Variants in HMGCLL1 observed in about 807,000 individuals in gnomAD.
HMGCLL1 encodes 3-hydroxy-3-methylglutaryl-CoA lyase like 1.
Under a neutral mutation model 39.1 loss-of-function variants are expected in HMGCLL1, and 36 were observed. The observed-to-expected ratio is 0.92, with a 90% CI of 0.71 to 1.22. HMGCLL1 has a LOEUF of 1.22. Ranked by LOEUF, HMGCLL1 falls within the 50% of genes most tolerant of loss-of-function variation. The probability of loss-of-function intolerance (pLI) is 0.00; values close to 1 mark genes in which losing one functional copy is unlikely to be tolerated. For synonymous variants in HMGCLL1, 149 were observed against 144.0 expected, an observed-to-expected ratio of 1.03 and a Z score of -0.25; for missense variants, 451 against 416.5, an observed-to-expected ratio of 1.08 and a Z score of -0.72.
intron 5 of HMGCLL1, among the ~76,000 whole-genome samples, chr6:55,511,541 C>CTT (rs5876454): frequency 0.99 from 151,210 of 152,148 alleles, 75,150 homozygotes; most frequent in Middle Eastern, 1. Context: ...ATGTGTACTG[C>CTT]TATGGCCTTT....
chr6:55,458,094 A>G (rs1378375059), intron 7 of HMGCLL1, among the ~76,000 whole-genome samples: 1 of 152,234 alleles, frequency 6.6e-6, no homozygotes, highest in African/African-American at 2.4e-5. Context: ...AATATATTCC[A>G]TTGAAAGTGT....
intron 3 of HMGCLL1, among the ~76,000 whole-genome samples, chr6:55,538,317 T>C (rs187997857): frequency 2.0e-5 from 3 of 152,182 alleles, no homozygotes; most frequent in Non-Finnish European, 2.9e-5. Context: ...ATTAGCGAAA[T>C]CTATTATCTT....
chr6:55,633,340 C>T, the HMGCLL1 span, among the ~76,000 whole-genome samples: 1 of 151,554 alleles, frequency 6.6e-6, no homozygotes, highest in Non-Finnish European at 1.5e-5. Flanking sequence ...TATGGTTGGG[C>T]TAGTTATTAG....
rs148845445 is a variant in HMGCLL1 at position 55,534,467 on chromosome 6, G to A, written c.297+7262C>T. ...TGGTTATAAAAGCCATACCACATTT[G>A]CCTACCCCTTAAGACACTCATCTTT... is the stretch of plus-strand genomic sequence containing the variant. On this transcript the variant is annotated intron_variant, in intron 3 of 8. Transcript: ENST00000274901. Among the ~76,000 whole-genome samples, 226 of 152,274 alleles carry A rather than the reference G, an allele frequency of 1.5e-3. 2 individuals carry two copies. Among genetic ancestry groups the A allele is most frequent in the African/African-American group, 4.7e-3 (197 of 41,554 alleles).
intron 3 of HMGCLL1, among the ~76,000 whole-genome samples, chr6:55,517,629 A>T (rs897743155): frequency 7.2e-5 from 11 of 151,942 alleles, no homozygotes; most frequent in Non-Finnish European, 5.9e-5. Flanking sequence ...ATAAATCCAA[A>T]CAAAAAATGC....
the HMGCLL1 span, among the ~76,000 whole-genome samples, chr6:55,617,022 A>C: frequency 6.6e-6 from 1 of 152,086 alleles, no homozygotes; most frequent in Non-Finnish European, 1.5e-5. Context: ...AAAAAGGATA[A>C]GATTTTTAAA....
the HMGCLL1 span, among the ~76,000 whole-genome samples, chr6:55,629,902 T>C: frequency 3.3e-5 from 5 of 152,174 alleles, no homozygotes; most frequent in Admixed American, 3.3e-4. Context: ...TGCCTGGATG[T>C]ACAGGCAGAA....
chr6:55,624,034 G>T, the HMGCLL1 span, among the ~76,000 whole-genome samples: 1 of 152,058 alleles, frequency 6.6e-6, no homozygotes, highest in Non-Finnish European at 1.5e-5. Flanking sequence ...ATCAACATCA[G>T]TTCAGAGCCA....
chr6:55,627,839 TG>T, the HMGCLL1 span, among the ~76,000 whole-genome samples: 1 of 119,198 alleles, frequency 8.4e-6, no homozygotes, highest in Non-Finnish European at 1.7e-5. Flanking sequence ...CAGCTTATTG[TG>T]GGACCTTGTG....
chr6:55,612,602 C>T, the HMGCLL1 span, among the ~76,000 whole-genome samples: 3 of 152,022 alleles, frequency 2.0e-5, no homozygotes, highest in Non-Finnish European at 4.4e-5. Flanking sequence ...CCAAAACAGA[C>T]ACATAGACCA....
chr6:55,541,817 A>T lies in HMGCLL1; in HGVS notation c.209T>A (p.Ile70Lys). 1 of 1,598,032 alleles carries T rather than the reference A, an allele frequency of 6.3e-7. No individual in the cohort carries two copies. Among genetic ancestry groups the T allele is most frequent in the Non-Finnish European group, 8.6e-7 (1 of 1,167,510 alleles). Residue 70 changes from isoleucine (I) to lysine (K), a missense_variant, in exon 3 of 9, where the codon ATA (isoleucine) becomes AAA (lysine). Ile to Lys is a moderately radical substitution (Grantham distance 102). Coordinates refer to ENST00000274901, the MANE Select transcript of HMGCLL1 (RefSeq NM_001042406.2). Reference protein sequence around the residue: ...QNEKVIVPTDIKIEFINRLSQ... With the variant: ...QNEKVIVPTDKKIEFINRLSQ... ...AAGTCGATTGATAAATTCAATTTTT[A>T]TATCTGTAGGAACTATAACCTATGA...
At chr6:55,501,312 T>C (rs1766873441) in intron 5 of HMGCLL1, among the ~76,000 whole-genome samples, 1 of 151,918 alleles carries the variant, frequency 6.6e-6, no homozygotes, top group Admixed American at 6.6e-5. Context: ...ACTCTTTTAA[T>C]AATAAAATTG....
intron 7 of HMGCLL1, among the ~76,000 whole-genome samples, chr6:55,440,152 C>G (rs193236162): frequency 8.7e-4 from 132 of 152,208 alleles, no homozygotes; most frequent in Non-Finnish European, 1.6e-3. Flanking sequence ...AAAACACTTG[C>G]CACCAGCAGT....
At chr6:55,641,993 G>T in the HMGCLL1 span, among the ~76,000 whole-genome samples, 3 of 139,702 alleles carry the variant, frequency 2.1e-5, no homozygotes, top group Non-Finnish European at 3.1e-5. Context: ...GTGCCATGCT[G>T]GTGCACTGCA....
intron 7 of HMGCLL1, among the ~76,000 whole-genome samples, chr6:55,491,560 A>G (rs1161154408): frequency 6.6e-6 from 1 of 152,290 alleles, no homozygotes; most frequent in South Asian, 2.1e-4. Context: ...CTACCAATCA[A>G]TGTGTAGCTG....
chr6:55,662,645 T>C, the HMGCLL1 span, among the ~76,000 whole-genome samples: 2 of 151,836 alleles, frequency 1.3e-5, no homozygotes, highest in Non-Finnish European at 2.9e-5. Flanking sequence ...TGAAATTTTC[T>C]TGTGTTGTGT....
intron 7 of HMGCLL1, among the ~76,000 whole-genome samples, chr6:55,487,216 T>C (rs1010193888): frequency 8.6e-5 from 13 of 152,042 alleles, no homozygotes; most frequent in Non-Finnish European, 2.9e-5. Flanking sequence ...TTTTTTACAA[T>C]TTGTGTGCCT....
intron 7 of HMGCLL1, among the ~76,000 whole-genome samples, chr6:55,454,466 C>T (rs1017226114): frequency 6.6e-6 from 1 of 152,176 alleles, no homozygotes; most frequent in Non-Finnish European, 1.5e-5. Context: ...TCAAAGAATA[C>T]AGAACACTCA....
the HMGCLL1 span, among the ~76,000 whole-genome samples, chr6:55,675,242 C>A: frequency 2.2e-4 from 33 of 152,126 alleles, no homozygotes; most frequent in Admixed American, 2.0e-3. Context: ...TCTTTGTATA[C>A]AGGCAAAAGA....
Sources: gnomAD v4.1 joint callset for allele counts (sites outside exome capture counted in the v4.1 genomes callset) on GRCh38, gnomAD v4.1.1 for gene constraint, MANE v1.5 for transcripts, NCBI Gene and HGNC (gene_info 2026-07-23, HGNC 2026-07-21) for gene names.